Variants in MACROD2 observed in about 807,000 individuals in gnomAD.
MACROD2 encodes ADP-ribose glycohydrolase MACROD2.
MACROD2 carries 36 observed loss-of-function variants against 70.4 expected under a neutral mutation model. The observed-to-expected ratio is 0.51, with a 90% CI of 0.39 to 0.68. The LOEUF is 0.68. MACROD2 is among the 30% of genes least tolerant of loss of function. MACROD2 has a pLI of 0.00. For missense variants in MACROD2, 496 were observed against 538.4 expected, an observed-to-expected ratio of 0.92 and a Z score of 0.78; for synonymous variants, 172 against 178.8, an observed-to-expected ratio of 0.96 and a Z score of 0.30.
intron 4 of MACROD2, among the ~76,000 whole-genome samples, chr20:14,515,202 G>T (rs1192129683): frequency 2.0e-5 from 3 of 152,018 alleles, no homozygotes; most frequent in African/African-American, 4.8e-5. Flanking sequence ...ACACATAAAA[G>T]AAATATTTCA....
At chr20:14,553,510 AATT>A (rs1032306813) in intron 4 of MACROD2, among the ~76,000 whole-genome samples, 1 of 151,712 alleles carries the variant, frequency 6.6e-6, no homozygotes, top group Non-Finnish European at 1.5e-5. Context: ...TTTCATTATC[AATT>A]ATTATGTACT....
rs532061246 is a variant in MACROD2, at chr20:15,125,950, T to C, written c.419-103990T>C. ...ACAGTCCTACATTATGTGGCCTCTGTGTCTGTTTTCTTTAACTTAATGTTT... is the reference window on the plus strand; with the variant it reads ...ACAGTCCTACATTATGTGGCCTCTGCGTCTGTTTTCTTTAACTTAATGTTT... On this transcript the variant is annotated intron_variant, in intron 5 of 17. Transcript: ENST00000684519. Among the ~76,000 whole-genome samples the C allele has an allele frequency of 8.9e-5, 10 of 111,988 alleles. 1 individual carries two copies. The highest frequency in any genetic ancestry group is 8.5e-4 in the Admixed American group (10 of 11,704). 73.5% of individuals were successfully genotyped at this position (111,988 alleles called of 152,430 possible).
At chr20:15,448,997 C>G (rs1268775299) in intron 7 of MACROD2, among the ~76,000 whole-genome samples, 1 of 152,070 alleles carries the variant, frequency 6.6e-6, no homozygotes, top group Non-Finnish European at 1.5e-5. Flanking sequence ...ATCTAATGAT[C>G]ACTGAGATCA....
At chr20:15,599,234 A>G (rs1417773433) in intron 8 of MACROD2, among the ~76,000 whole-genome samples, 1 of 152,030 alleles carries the variant, frequency 6.6e-6, no homozygotes, top group East Asian at 1.9e-4. Context: ...CAAAAAAAAA[A>G]AAAGAAAATT....
chr20:15,453,217 T>TTC (rs71190186), intron 7 of MACROD2, among the ~76,000 whole-genome samples: 70,046 of 151,012 alleles, frequency 0.46, 17,477 homozygotes, highest in Non-Finnish European at 0.56. Flanking sequence ...GTTTTCCCCT[T>TTC]TCTCTCTCTC....
chr20:15,082,891 GT>G (rs1209187903), intron 5 of MACROD2, among the ~76,000 whole-genome samples: 2 of 152,230 alleles, frequency 1.3e-5, no homozygotes, highest in East Asian at 3.9e-4. Context: ...TAAAAAATAA[GT>G]TTTTGTGGTT....
At chr20:15,131,390 A>T (rs945465855) in intron 5 of MACROD2, among the ~76,000 whole-genome samples, 2 of 152,124 alleles carry the variant, frequency 1.3e-5, no homozygotes, top group Admixed American at 6.6e-5. Flanking sequence ...AATTAATATA[A>T]AGATGAAATT....
intron 5 of MACROD2, among the ~76,000 whole-genome samples, chr20:14,873,477 A>G (rs2122433748): frequency 6.6e-6 from 1 of 152,302 alleles, no homozygotes; most frequent in South Asian, 2.1e-4. Context: ...GAGAATTGAA[A>G]TGAAAATGGA....
chr20:14,672,626 A>G (rs1355241474), intron 4 of MACROD2, among the ~76,000 whole-genome samples: 2 of 152,220 alleles, frequency 1.3e-5, no homozygotes, highest in African/African-American at 4.8e-5. Context: ...TAAGCACTGT[A>G]CATGTTATCT....
At position 14,906,354 on chromosome 20, in the gene MACROD2, C is replaced by T. The variant is rs187245914; in HGVS notation, c.418+221395C>T. Among the ~76,000 whole-genome samples the T allele has an allele frequency of 1.6e-3, 243 of 152,162 alleles. 1 individual carries two copies. The highest frequency in any genetic ancestry group is 5.4e-3 in the African/African-American group (223 of 41,524). ...ACTAAAAATACAAAAATTAGCTGGG[C>T]GTAGTGGCGCATGCCTGTAATCCCA... is the stretch of plus-strand genomic sequence containing the variant. On this transcript the variant is annotated intron_variant, in intron 5 of 17. Transcript: ENST00000684519.
At chr20:15,079,262 A>T (rs2075684439) in intron 5 of MACROD2, among the ~76,000 whole-genome samples, 1 of 151,436 alleles carries the variant, frequency 6.6e-6, no homozygotes, top group Non-Finnish European at 1.5e-5. Context: ...TTCCCCCATG[A>T]CTACTTTCTT....
In MACROD2 at chr20:15,692,921, T is replaced by C. The variant is rs190487973; in HGVS notation, c.646-169824T>C. ...ATTATGAGAGCAGTTTCCCCCATGC[T>C]GTTCTCATGATGGTGAATGAGTTCT... On this transcript the variant is annotated intron_variant, in intron 8 of 17. Coordinates refer to ENST00000684519, the MANE Select transcript of MACROD2 (RefSeq NM_001351661.2). Among the ~76,000 whole-genome samples, 3 of 152,296 alleles carry C rather than the reference T, an allele frequency of 2.0e-5. No homozygotes were observed. In the East Asian group the frequency reaches 5.8e-4, roughly 29 times the overall value.
At chr20:14,096,159 A>G (rs1378191450) in intron 3 of MACROD2, among the ~76,000 whole-genome samples, 1 of 152,132 alleles carries the variant, frequency 6.6e-6, no homozygotes, top group Non-Finnish European at 1.5e-5. Flanking sequence ...TTTTTTCTCC[A>G]CGTACAGATG....
intron 8 of MACROD2, among the ~76,000 whole-genome samples, chr20:15,852,549 T>C (rs898967789): frequency 2.6e-5 from 4 of 152,232 alleles, no homozygotes; most frequent in African/African-American, 9.6e-5. Flanking sequence ...TGTGGTGTTG[T>C]GCACAAGTGC....
intron 3 of MACROD2, among the ~76,000 whole-genome samples, chr20:14,139,527 G>A (rs2054842410): frequency 6.6e-6 from 1 of 152,104 alleles, no homozygotes; most frequent in Admixed American, 6.6e-5. Flanking sequence ...TATATTTTAT[G>A]TAGAAATAAG....
intron 2 of MACROD2, among the ~76,000 whole-genome samples, chr20:14,062,788 T>G (rs192646610): frequency 8.5e-5 from 13 of 152,298 alleles, no homozygotes; most frequent in Non-Finnish European, 1.3e-4. Flanking sequence ...GGTGACTAAT[T>G]GGAATAATTA....
At chr20:15,464,614 T>C (rs2046861171) in intron 7 of MACROD2, among the ~76,000 whole-genome samples, 2 of 152,208 alleles carry the variant, frequency 1.3e-5, no homozygotes, top group South Asian at 4.1e-4. Context: ...TAAAACTCTT[T>C]TGCCTTAGCT....
chr20:15,289,285 C>A (rs919907284), intron 6 of MACROD2, among the ~76,000 whole-genome samples: 1 of 152,158 alleles, frequency 6.6e-6, no homozygotes, highest in African/African-American at 2.4e-5. Flanking sequence ...CTCCTTCAAG[C>A]ATTGTGCTGG....
intron 4 of MACROD2, among the ~76,000 whole-genome samples, chr20:14,682,687 C>T (rs1268126671): frequency 1.3e-5 from 2 of 151,840 alleles, no homozygotes; most frequent in African/African-American, 4.8e-5. Context: ...TTTATTTAAC[C>T]AGCTCCTGTT....
Sources: gnomAD v4.1 joint callset for allele counts (sites outside exome capture counted in the v4.1 genomes callset) on GRCh38, gnomAD v4.1.1 for gene constraint, MANE v1.5 for transcripts, NCBI Gene and HGNC (gene_info 2026-07-23, HGNC 2026-07-21) for gene names.